The following CSMD1 variants were observed in gnomAD, a reference collection of about 807,000 sequenced individuals.
CSMD1 encodes CUB and sushi domain-containing protein 1.
A neutral mutation model predicts 417.5 loss-of-function variants in CSMD1; 213 were observed. That is an observed-to-expected ratio of 0.51 (90% CI 0.46 to 0.57). The LOEUF (loss-of-function observed/expected upper bound fraction) is 0.57, where lower values mean the gene tolerates loss of function less well. CSMD1 is among the 20% of genes least tolerant of loss of function. The probability of loss-of-function intolerance (pLI) is 0.00; values close to 1 mark genes in which losing one functional copy is unlikely to be tolerated. For synonymous variants in CSMD1, 2,862 were observed against 1,736.8 expected (o/e 1.65, Z -16.11); for missense variants, 6,923 against 4,529.7 (o/e 1.53, Z -15.17).
At chr8:3,279,589 G>T (rs1056845814) in intron 26 of CSMD1, among the ~76,000 whole-genome samples, 5 of 151,986 alleles carry the variant, frequency 3.3e-5, no homozygotes, top group African/African-American at 1.2e-4. Flanking sequence ...TAGGAAGAAG[G>T]GATTATATTA....
intron 3 of CSMD1, among the ~76,000 whole-genome samples, chr8:4,034,308 G>A (rs1055452910): frequency 2.0e-5 from 3 of 152,126 alleles, no homozygotes; most frequent in Non-Finnish European, 4.4e-5. Flanking sequence ...ACATGTTTAT[G>A]AGATCTCTAT....
chr8:4,385,497 G>C (rs889485551), intron 3 of CSMD1, among the ~76,000 whole-genome samples: 3 of 152,074 alleles, frequency 2.0e-5, no homozygotes, highest in Non-Finnish European at 4.4e-5. Flanking sequence ...TTGGAGCTTA[G>C]TACTACCGTA....
intron 3 of CSMD1, among the ~76,000 whole-genome samples, chr8:4,402,238 C>G (rs1169327437): frequency 6.6e-6 from 1 of 152,088 alleles, no homozygotes; most frequent in Non-Finnish European, 1.5e-5. Context: ...GGGGCTCATT[C>G]CCTCCAGGAA....
At chr8:4,183,460 A>G (rs1798489804) in intron 3 of CSMD1, among the ~76,000 whole-genome samples, 2 of 152,192 alleles carry the variant, frequency 1.3e-5, no homozygotes, top group Admixed American at 6.6e-5. Context: ...CCCCTCAATG[A>G]CATGTTCTTC....
chr8:3,339,460 C>T (rs912649753), intron 23 of CSMD1, among the ~76,000 whole-genome samples: 3 of 152,124 alleles, frequency 2.0e-5, no homozygotes, highest in African/African-American at 7.2e-5. Context: ...TTGGTAGGCT[C>T]AGAATTCTGG....
chr8:3,783,573 G>C (rs529221513), intron 5 of CSMD1, among the ~76,000 whole-genome samples: 58 of 152,344 alleles, frequency 3.8e-4, no homozygotes, highest in African/African-American at 1.3e-3. Context: ...ACCTGGCACA[G>C]GTGAGAGAGT....
chr8:3,642,844 T>C (rs1214786699), intron 7 of CSMD1, among the ~76,000 whole-genome samples: 1 of 152,022 alleles, frequency 6.6e-6, no homozygotes, highest in East Asian at 1.9e-4. Flanking sequence ...TATTTGTGTA[T>C]GTGTATATCT....
intron 2 of CSMD1, among the ~76,000 whole-genome samples, chr8:4,496,402 G>C (rs1220793510): frequency 6.6e-6 from 1 of 152,116 alleles, no homozygotes; most frequent in Non-Finnish European, 1.5e-5. Flanking sequence ...GAGCTGATGA[G>C]ATTCATGTGC....
intron 3 of CSMD1, among the ~76,000 whole-genome samples, chr8:4,352,798 G>A (rs562122512): frequency 1.1e-4 from 16 of 152,316 alleles, no homozygotes; most frequent in Admixed American, 4.6e-4. Flanking sequence ...GGACATGGCT[G>A]TTGCCGTCCA....
At chr8:3,819,837 A>T (rs1801620753) in intron 5 of CSMD1, among the ~76,000 whole-genome samples, 1 of 152,096 alleles carries the variant, frequency 6.6e-6, no homozygotes, top group South Asian at 2.1e-4. Flanking sequence ...GACCCATCGC[A>T]CCTGGCCTGA....
chr8:3,596,770 A>G (rs1008091947), intron 8 of CSMD1, among the ~76,000 whole-genome samples: 1 of 151,504 alleles, frequency 6.6e-6, no homozygotes, highest in Non-Finnish European at 1.5e-5. Context: ...AATTCAGGGC[A>G]CACACAAACA....
At chr8:3,019,679 T>C (rs7814777) in intron 51 of CSMD1, among the ~76,000 whole-genome samples, 10,948 of 152,294 alleles carry the variant, frequency 0.072, 388 homozygotes, top group East Asian at 0.11. Context: ...CCTGCCGTCT[T>C]AGCACAGTTA....
intron 3 of CSMD1, among the ~76,000 whole-genome samples, chr8:4,295,594 A>C (rs1413658628): frequency 2.1e-5 from 3 of 145,116 alleles, no homozygotes; most frequent in Non-Finnish European, 1.5e-5. Flanking sequence ...TAAGGGCTTA[A>C]GATTATATAT....
chr8:3,042,961 T>C (rs1295805418), intron 50 of CSMD1, among the ~76,000 whole-genome samples: 2 of 151,698 alleles, frequency 1.3e-5, no homozygotes, highest in Non-Finnish European at 2.9e-5. Context: ...CATATAGTGA[T>C]ATATACAGAT....
chr8:4,838,371 A>C (rs1800626964), intron 1 of CSMD1, among the ~76,000 whole-genome samples: 2 of 152,218 alleles, frequency 1.3e-5, no homozygotes, highest in Admixed American at 1.3e-4. Context: ...CAATTATTGA[A>C]GATAGAAAAA....
intron 48 of CSMD1, among the ~76,000 whole-genome samples, chr8:3,090,996 T>C (rs1000526977): frequency 6.6e-6 from 1 of 152,130 alleles, no homozygotes; most frequent in Admixed American, 6.6e-5. Flanking sequence ...CAAAATAATT[T>C]ACATTTTGAT....
intron 1 of CSMD1, among the ~76,000 whole-genome samples, chr8:4,640,257 A>G (rs1273646391): frequency 6.6e-6 from 1 of 152,224 alleles, no homozygotes. Context: ...CAACTGCTCA[A>G]AAGTTCTTAG....
chr8:2,977,347 T>A (rs567093226), intron 55 of CSMD1, among the ~76,000 whole-genome samples: 103 of 152,288 alleles, frequency 6.8e-4, no homozygotes, highest in African/African-American at 2.4e-3. Flanking sequence ...TGAGAATTTG[T>A]GGTGTTTGGT....
chr8:3,901,834 C>G (rs988530757), intron 5 of CSMD1, among the ~76,000 whole-genome samples: 5 of 152,128 alleles, frequency 3.3e-5, no homozygotes, highest in Admixed American at 2.0e-4. Flanking sequence ...TTGTTTGCAT[C>G]CTGATATTAC....
Sources: allele counts gnomAD v4.1 joint callset (sites outside exome capture counted in the v4.1 genomes callset), GRCh38; gene constraint gnomAD v4.1.1; transcripts MANE v1.5; gene names NCBI Gene and HGNC (gene_info 2026-07-23, HGNC 2026-07-21).